Variants in SYNE2 observed in about 807,000 individuals in gnomAD.
SYNE2 encodes the protein spectrin repeat containing nuclear envelope protein 2.
In SYNE2, 431 loss-of-function variants were observed where a neutral mutation model predicts 856.3. That is an observed-to-expected ratio of 0.50 (90% CI 0.47 to 0.55). SYNE2 has a LOEUF of 0.55. Among genes scored for constraint, SYNE2 ranks in the 20% least tolerant of loss-of-function variants. The pLI, the probability that SYNE2 is intolerant of heterozygous loss-of-function variation, is 0.00. For missense variants in SYNE2, 8,129 were observed against 8,023.2 expected (o/e 1.01, Z -0.50); for synonymous variants, 2,923 against 2,872.3 (o/e 1.02, Z -0.56).
intron 1 of SYNE2, among the ~76,000 whole-genome samples, chr14:63,876,192 T>G (rs2094711650): frequency 6.7e-6 from 1 of 149,560 alleles, no homozygotes; most frequent in Non-Finnish European, 1.5e-5. Context: ...ATGGGAGGAT[T>G]GCTTGAGCCA....
chr14:64,150,291 CAAAAAAAAAAAAAAAAA>C (rs773488742), intron 84 of SYNE2, among the ~76,000 whole-genome samples: 43 of 35,642 alleles, frequency 1.2e-3, no homozygotes, highest in African/African-American at 2.9e-3. Context: ...GATTCTCTCT[CAAAAAAAAAAAAAAAAA>C]AAAAAAAAAA....
At chr14:63,843,962 C>A (rs1362372897) in intron 1 of SYNE2, among the ~76,000 whole-genome samples, 1 of 152,152 alleles carries the variant, frequency 6.6e-6, no homozygotes, top group Non-Finnish European at 1.5e-5. Flanking sequence ...CACACTCATG[C>A]ACACAGCTTT....
rs112376912 is a variant in SYNE2, at chr14:63,880,592, G to A, written c.-52+27449G>A. 5.6e-3 allele frequency among the ~76,000 whole-genome samples: 843 copies of A among 150,488 alleles called. 5 individuals carry two copies. The highest frequency in any genetic ancestry group is 0.019 in the African/African-American group (778 of 41,068). ...TGTTTATATGCATATATATTTATAT[G>A]GTTACATTCCTATTGAATATCAACA... On this transcript the variant is annotated intron_variant, in intron 1 of 115. Transcript: ENST00000555002.
chr14:63,913,790 A>G (rs534706730), intron 2 of SYNE2, among the ~76,000 whole-genome samples: 4 of 113,454 alleles, frequency 3.5e-5, no homozygotes, highest in African/African-American at 1.3e-4. Flanking sequence ...TGATTTTGCG[A>G]TATGGAAATT....
chr14:63,990,323 C>CT (rs2096657524), intron 19 of SYNE2, 88 bp from the exon 20 acceptor site: 1 of 1,366,840 alleles, frequency 7.3e-7, no homozygotes, highest in Admixed American at 2.1e-5. Flanking sequence ...TAATAATGAA[C>CT]TTTTTTGGTT....
At chr14:64,206,942 G>T (rs749495646) in intron 100 of SYNE2, among the ~76,000 whole-genome samples, 1 of 152,046 alleles carries the variant, frequency 6.6e-6, no homozygotes, top group East Asian at 1.9e-4. Context: ...TCTGTGAACC[G>T]GTAAGAGTTC....
intron 95 of SYNE2, among the ~76,000 whole-genome samples, chr14:64,175,856 A>C (rs1185955949): frequency 6.6e-6 from 1 of 152,224 alleles, no homozygotes; most frequent in Non-Finnish European, 1.5e-5. Context: ...TTAGGGCTTG[A>C]AAATTTCTCC....
At chr14:63,964,238 T>G (rs2096360259) in intron 10 of SYNE2, among the ~76,000 whole-genome samples, 1 of 152,230 alleles carries the variant, frequency 6.6e-6, no homozygotes. Context: ...GTTTTTGTGT[T>G]TCTAACAAGG....
At chr14:63,887,064 C>T (rs538791337) in intron 1 of SYNE2, among the ~76,000 whole-genome samples, 2 of 152,242 alleles carry the variant, frequency 1.3e-5, no homozygotes, top group East Asian at 1.9e-4. Context: ...GGCTAGATCA[C>T]GAGGTCAAGA....
intron 1 of SYNE2, among the ~76,000 whole-genome samples, chr14:63,855,440 T>C (rs1891461880): frequency 6.6e-6 from 1 of 152,134 alleles, no homozygotes; most frequent in Non-Finnish European, 1.5e-5. Flanking sequence ...TTTCCTATCT[T>C]ATCTGTTGCT....
chr14:64,204,026 C>T (rs773174785), intron 100 of SYNE2, among the ~76,000 whole-genome samples: 2 of 152,162 alleles, frequency 1.3e-5, no homozygotes, highest in African/African-American at 4.8e-5. Flanking sequence ...CCTCCCTGCT[C>T]TTGACTTTTC....
intron 97 of SYNE2, 149 bp downstream of exon 97, chr14:64,186,728 A>C (rs1232523147): frequency 5.0e-6 from 5 of 1,000,590 alleles, no homozygotes; most frequent in Admixed American, 3.9e-5. Context: ...TTTAGAAGGC[A>C]GCAACAGGTT....
intron 114 of SYNE2, 50 bp downstream of exon 114, chr14:64,224,597 T>A (rs761718248): frequency 3.9e-5 from 62 of 1,602,312 alleles, no homozygotes; most frequent in Non-Finnish European, 5.0e-5. Flanking sequence ...TTTTTTAAAG[T>A]CACTAAGATG....
chr14:64,012,380 T>TAGAA (rs2096853603), intron 32 of SYNE2, among the ~76,000 whole-genome samples: 2 of 152,324 alleles, frequency 1.3e-5, no homozygotes, highest in South Asian at 4.1e-4. Context: ...AATTCTTTTC[T>TAGAA]GTTATTAAAG....
chr14:63,887,393 CCG>C (rs2095018056), intron 1 of SYNE2, among the ~76,000 whole-genome samples: 1 of 152,202 alleles, frequency 6.6e-6, no homozygotes, highest in Non-Finnish European at 1.5e-5. Flanking sequence ...AGTTTCCATA[CCG>C]TCAGAGAACA....
At chr14:63,964,303 T>C (rs2153450433) in intron 10 of SYNE2, among the ~76,000 whole-genome samples, 1 of 152,286 alleles carries the variant, frequency 6.6e-6, no homozygotes, top group South Asian at 2.1e-4. Flanking sequence ...AGCATGGTTT[T>C]AGAGCAGGGG....
intron 2 of SYNE2, among the ~76,000 whole-genome samples, chr14:63,936,414 T>C (rs957212300): frequency 1.3e-5 from 2 of 151,732 alleles, no homozygotes; most frequent in African/African-American, 4.8e-5. Flanking sequence ...GATCGGGAGT[T>C]GGGGGTGTTA....
At chr14:63,897,548 A>AT (rs919426266) in intron 1 of SYNE2, among the ~76,000 whole-genome samples, 3 of 152,068 alleles carry the variant, frequency 2.0e-5, no homozygotes, top group African/African-American at 7.2e-5. Flanking sequence ...CTTTTACAGG[A>AT]TTTTTTAGTT....
chr14:64,111,872 G>A (rs905833455), intron 65 of SYNE2, among the ~76,000 whole-genome samples: 1 of 152,140 alleles, frequency 6.6e-6, no homozygotes, highest in Non-Finnish European at 1.5e-5. Context: ...GACTATATAT[G>A]AAGTTCAGAA....
Sources: gnomAD v4.1 joint callset for allele counts (sites outside exome capture counted in the v4.1 genomes callset) on GRCh38, gnomAD v4.1.1 for gene constraint, MANE v1.5 for transcripts, NCBI Gene and HGNC (gene_info 2026-07-23, HGNC 2026-07-21) for gene names.